The following CSMD3 variants were observed in gnomAD, a reference collection of about 807,000 sequenced individuals.
CSMD3 encodes the protein CUB and sushi domain-containing protein 3.
Under a neutral mutation model 435.2 loss-of-function variants are expected in CSMD3, and 177 were observed. The ratio of observed to expected loss-of-function variants is 0.41; its 90% CI spans 0.36 to 0.46. The LOEUF (loss-of-function observed/expected upper bound fraction) is 0.46. Ranked by LOEUF, CSMD3 falls within the 20% of genes least tolerant of loss-of-function variation. The pLI is 0.34. For synonymous variants in CSMD3, 1,656 were observed against 1,520.5 expected, an observed-to-expected ratio of 1.09 and a Z score of -2.07; for missense variants, 4,265 against 4,504.6, an observed-to-expected ratio of 0.95 and a Z score of 1.52.
intron 17 of CSMD3, among the ~76,000 whole-genome samples, chr8:112,662,053 T>C (rs2075393881): frequency 6.6e-6 from 1 of 152,116 alleles, no homozygotes; most frequent in African/African-American, 2.4e-5. Flanking sequence ...CATTCCATGC[T>C]CATGGGTAGG....
chr8:112,761,334 T>C (rs1461838480), intron 13 of CSMD3, among the ~76,000 whole-genome samples: 1 of 152,142 alleles, frequency 6.6e-6, no homozygotes, highest in Admixed American at 6.6e-5. Flanking sequence ...ACTTCAATAT[T>C]ATGAATATGT....
intron 4 of CSMD3, among the ~76,000 whole-genome samples, chr8:113,157,006 G>A (rs1234338845): frequency 6.7e-6 from 1 of 150,138 alleles, no homozygotes; most frequent in Admixed American, 6.7e-5. Flanking sequence ...TTTAGGTAGG[G>A]TTAAGAGAGT....
rs1819551173 is a variant in CSMD3, at chr8:112,289,537, C to A, written c.8976G>T (p.Met2992Ile). 1 of 1,596,792 alleles carries A rather than the reference C, an allele frequency of 6.3e-7. No homozygotes were observed. The highest frequency in any genetic ancestry group is 8.6e-7 in the Non-Finnish European group (1 of 1,167,442). Residue 2992 changes from methionine to isoleucine, a missense_variant and splice_region_variant, in exon 57 of 71, where the codon ATG becomes ATT. By Grantham distance (10) the Met-to-Ile change is conservative (BLOSUM62 1). Transcript: ENST00000297405. ...GAACGCCAGGGTGTCCACAGTCAAT[C>A]ACTACAATACATAATTATTAAATAT... ...QWDKPLPECI[M>I]IDCGHPGVPP...
At chr8:112,717,758 T>C (rs1341117184) in intron 13 of CSMD3, among the ~76,000 whole-genome samples, 1 of 152,156 alleles carries the variant, frequency 6.6e-6, no homozygotes, top group Non-Finnish European at 1.5e-5. Context: ...TCATGTCCTT[T>C]GCAGGCACAT....
intron 3 of CSMD3, among the ~76,000 whole-genome samples, chr8:113,249,966 T>A (rs2093319343): frequency 6.6e-6 from 1 of 152,072 alleles, no homozygotes; most frequent in Admixed American, 6.6e-5. Flanking sequence ...GTATTTAGCT[T>A]AAAGATATAA....
At chr8:113,376,306 A>C (rs2094382488) in intron 1 of CSMD3, among the ~76,000 whole-genome samples, 1 of 152,170 alleles carries the variant, frequency 6.6e-6, no homozygotes, top group African/African-American at 2.4e-5. Context: ...CTTTAATATG[A>C]AATGTTAAAA....
intron 10 of CSMD3, among the ~76,000 whole-genome samples, chr8:112,888,114 C>T (rs2081664418): frequency 1.3e-5 from 2 of 151,614 alleles, no homozygotes; most frequent in Admixed American, 6.6e-5. Context: ...TTTCACCATT[C>T]CCTGGAGATT....
At chr8:112,773,599 C>G (rs1210744254) in intron 13 of CSMD3, among the ~76,000 whole-genome samples, 1 of 151,906 alleles carries the variant, frequency 6.6e-6, no homozygotes, top group East Asian at 1.9e-4. Context: ...GTGCCCTAAG[C>G]TTTCCTTTGA....
intron 35 of CSMD3, 47 bp from the exon 36 acceptor site, chr8:112,390,835 G>A (rs903883927): frequency 6.4e-7 from 1 of 1,570,064 alleles, no homozygotes; most frequent in East Asian, 2.2e-5. Context: ...TAATGCAAAG[G>A]ATTAAAATAA....
chr8:113,226,280 A>G (rs897302931), intron 3 of CSMD3, among the ~76,000 whole-genome samples: 2 of 151,620 alleles, frequency 1.3e-5, no homozygotes, highest in Non-Finnish European at 3.0e-5. Flanking sequence ...AAATCTTCAT[A>G]TTAAAAATAT....
intron 29 of CSMD3, 48 bp downstream of exon 29, chr8:112,506,643 C>T (rs1822553717): frequency 1.3e-6 from 2 of 1,586,860 alleles, no homozygotes; most frequent in Non-Finnish European, 8.7e-7. Context: ...AGCAAAATGG[C>T]CTAACAATAT....
chr8:112,228,700 A>G (rs1186325373), intron 70 of CSMD3, 56 bp downstream of exon 70: 8 of 1,544,634 alleles, frequency 5.2e-6, no homozygotes, highest in African/African-American at 1.4e-5. Context: ...AGCAGTAGAA[A>G]TAACATGAAA....
At chr8:112,703,950 C>T (rs1015723601) in intron 13 of CSMD3, among the ~76,000 whole-genome samples, 21 of 152,040 alleles carry the variant, frequency 1.4e-4, no homozygotes, top group African/African-American at 4.8e-4. Context: ...TAAACACTGA[C>T]ATTTAAAATG....
rs551032743 is a variant in CSMD3, at chr8:112,769,859, A to T, written c.1972+30303T>A. 1.0e-3 allele frequency among the ~76,000 whole-genome samples: 156 copies of T among 152,088 alleles called. 2 individuals carry two copies. The highest frequency in any genetic ancestry group is 3.5e-3 in the African/African-American group (146 of 41,538). ...ATAAAATATTTTTTCACACACATAC[A>T]TATTACTAAAATAAAGGGAATCTAT... On this transcript the variant is annotated intron_variant, in intron 13 of 70. Transcript: ENST00000297405.
chr8:113,325,187 G>T (rs2093975526), intron 1 of CSMD3, among the ~76,000 whole-genome samples: 1 of 152,196 alleles, frequency 6.6e-6, no homozygotes, highest in Admixed American at 6.5e-5. Context: ...TTGGGAGACT[G>T]CTGGGAAGGC....
intron 1 of CSMD3, among the ~76,000 whole-genome samples, chr8:113,379,063 C>T (rs1183917946): frequency 6.6e-6 from 1 of 152,012 alleles, no homozygotes; most frequent in Non-Finnish European, 1.5e-5. Flanking sequence ...ATACTAATAA[C>T]ACTTCATTTA....
At chr8:113,384,376 A>G (rs1043874889) in intron 1 of CSMD3, among the ~76,000 whole-genome samples, 1 of 152,206 alleles carries the variant, frequency 6.6e-6, no homozygotes, top group Non-Finnish European at 1.5e-5. Context: ...GGAAATCTAT[A>G]TAGTGTATCA....
At chr8:113,016,581 A>T (rs1472722) in intron 6 of CSMD3, among the ~76,000 whole-genome samples, 103,437 of 151,704 alleles carry the variant, frequency 0.68, 37,094 homozygotes, top group East Asian at 0.95. Flanking sequence ...GCAGATTCCT[A>T]AAAATATTAA....
chr8:112,675,195 A>G (rs779462759), intron 16 of CSMD3, among the ~76,000 whole-genome samples: 164 of 152,246 alleles, frequency 1.1e-3, no homozygotes, highest in Non-Finnish European at 2.0e-3. Flanking sequence ...ATTTATTCCT[A>G]TGGTTTTCCT....
Sources: allele counts gnomAD v4.1 joint callset (sites outside exome capture counted in the v4.1 genomes callset), GRCh38; gene constraint gnomAD v4.1.1; transcripts MANE v1.5; gene names NCBI Gene and HGNC (gene_info 2026-07-23, HGNC 2026-07-21).